Variants in ST6GALNAC5 observed in about 807,000 individuals in gnomAD.
ST6GALNAC5 encodes the protein alpha-N-acetylgalactosaminide alpha-2,6-sialyltransferase 5.
Under a neutral mutation model 33.6 loss-of-function variants are expected in ST6GALNAC5, and 27 were observed. The observed-to-expected ratio is 0.80, with a 90% confidence interval of 0.59 to 1.11. The LOEUF (loss-of-function observed/expected upper bound fraction) is 1.11. ST6GALNAC5 is among the 50% of genes least tolerant of loss of function. ST6GALNAC5 has a pLI of 0.00. For missense variants in ST6GALNAC5, 428 were observed against 454.0 expected (o/e 0.94, Z 0.52); for synonymous variants, 194 against 171.2 (o/e 1.13, Z -1.04).
At chr1:76,973,420 TTA>T (rs1648845893) in intron 2 of ST6GALNAC5, among the ~76,000 whole-genome samples, 1 of 796 alleles carries the variant, frequency 1.3e-3, no homozygotes, top group Admixed American at 0.017. Flanking sequence ...GTCAGGTTTA[TTA>T]TTATTATTAT....
chr1:76,933,217 G>A (rs1296695524), intron 2 of ST6GALNAC5, among the ~76,000 whole-genome samples: 6 of 151,976 alleles, frequency 3.9e-5, no homozygotes, highest in African/African-American at 1.4e-4. Context: ...CTGTGTATGG[G>A]TGGAGCTCTG....
intron 2 of ST6GALNAC5, among the ~76,000 whole-genome samples, chr1:77,024,633 C>T (rs557688855): frequency 1.7e-4 from 26 of 152,258 alleles, no homozygotes; most frequent in African/African-American, 5.5e-4. Flanking sequence ...GTCTCCAGGG[C>T]GGGATCTGAT....
At chr1:76,980,444 C>G (rs1649202949) in intron 2 of ST6GALNAC5, among the ~76,000 whole-genome samples, 1 of 152,134 alleles carries the variant, frequency 6.6e-6, no homozygotes, top group African/African-American at 2.4e-5. Flanking sequence ...ATGACTGTTA[C>G]ACATAAAGGT....
At chr1:76,928,555 G>A (rs1189238825) in intron 2 of ST6GALNAC5, among the ~76,000 whole-genome samples, 1 of 152,064 alleles carries the variant, frequency 6.6e-6, no homozygotes, top group Non-Finnish European at 1.5e-5. Flanking sequence ...TCTGATTTTA[G>A]TTTCCATGCC....
chr1:76,955,338 T>C (rs538507562), intron 2 of ST6GALNAC5, among the ~76,000 whole-genome samples: 1 of 152,284 alleles, frequency 6.6e-6, no homozygotes, highest in African/African-American at 2.4e-5. Flanking sequence ...TGCTTCAAGG[T>C]CCTCCTCTTA....
At chr1:76,966,649 TGA>T (rs1267984028) in intron 2 of ST6GALNAC5, among the ~76,000 whole-genome samples, 1 of 152,186 alleles carries the variant, frequency 6.6e-6, no homozygotes, top group Non-Finnish European at 1.5e-5. Context: ...ATAGGAGTGG[TGA>T]GAGAGGGCAT....
chr1:76,893,930 A>G (rs1219112712), intron 2 of ST6GALNAC5, among the ~76,000 whole-genome samples: 1 of 152,166 alleles, frequency 6.6e-6, no homozygotes, highest in Non-Finnish European at 1.5e-5. Context: ...AAGTGCTGGT[A>G]TTACAGGAAT....
chr1:76,939,680 G>A (rs371534462), intron 2 of ST6GALNAC5, among the ~76,000 whole-genome samples: 2 of 152,032 alleles, frequency 1.3e-5, no homozygotes, highest in Admixed American at 6.6e-5. Flanking sequence ...TGATCTGTAC[G>A]CATAGTGGTT....
At position 76,868,986 on chromosome 1, in the gene ST6GALNAC5, C is replaced by T; in HGVS notation, c.261+244C>T. On this transcript the variant is annotated intron_variant, in intron 2 of 4. Coordinates refer to ENST00000477717, the MANE Select transcript of ST6GALNAC5 (RefSeq NM_030965.3). This position sits in a 1 kb window ranked among gnomAD's most constrained non-coding sequence, Gnocchi z 4.3. ...TGGACCCCAAAGCCTAATTTCCCAG[C>T]AGAAATCGGCCCTGGAACTAGAACT... 1.8e-6 allele frequency: 1 copy of T among 542,260 alleles called. No homozygotes were observed. Among genetic ancestry groups the T allele is most frequent in the Non-Finnish European group, 2.9e-6 (1 of 340,818 alleles). The allele number at this position is 542,260 out of a possible 1,614,324, so 33.6% of individuals were successfully genotyped here. A position where few individuals can be genotyped will look rare whatever the true frequency, so the allele number is the denominator to read the frequency against.
At chr1:76,969,290 A>G (rs114785371) in intron 2 of ST6GALNAC5, among the ~76,000 whole-genome samples, 2,394 of 152,294 alleles carry the variant, frequency 0.016, 59 homozygotes, top group African/African-American at 0.055. Flanking sequence ...CCTTCGCCAA[A>G]GACTGTACCT....
At chr1:77,062,164 A>C (rs1246198143) in intron 4 of ST6GALNAC5, among the ~76,000 whole-genome samples, 1 of 152,208 alleles carries the variant, frequency 6.6e-6, no homozygotes, top group Non-Finnish European at 1.5e-5. Flanking sequence ...TTTTAAAATT[A>C]TTTATTAAGC....
chr1:77,054,449 A>G (rs1329926646), intron 4 of ST6GALNAC5, among the ~76,000 whole-genome samples: 1 of 152,200 alleles, frequency 6.6e-6, no homozygotes, highest in Admixed American at 6.5e-5. Context: ...TTTCTTTTCA[A>G]CAAAAGAGCA....
chr1:76,987,701 T>G (rs149003887), intron 2 of ST6GALNAC5, among the ~76,000 whole-genome samples: 1 of 152,268 alleles, frequency 6.6e-6, no homozygotes, highest in African/African-American at 2.4e-5. Context: ...TGTCCATAAA[T>G]TGATGAATAG....
chr1:76,980,130 A>T (rs1649191293), intron 2 of ST6GALNAC5, among the ~76,000 whole-genome samples: 1 of 152,072 alleles, frequency 6.6e-6, no homozygotes, highest in Non-Finnish European at 1.5e-5. Flanking sequence ...CATGAAATTA[A>T]TGATTTATTA....
At chr1:77,032,575 ATAC>A (rs1417675383) in intron 2 of ST6GALNAC5, among the ~76,000 whole-genome samples, 1 of 152,146 alleles carries the variant, frequency 6.6e-6, no homozygotes, top group African/African-American at 2.4e-5. Flanking sequence ...AGCCATAATA[ATAC>A]TAATAGCTGC....
chr1:76,948,626 A>AGAGAGAGAGAGAGAG (rs56311943), intron 2 of ST6GALNAC5, among the ~76,000 whole-genome samples: 4 of 148,234 alleles, frequency 2.7e-5, no homozygotes, highest in Admixed American at 6.7e-5. Context: ...AGAGAGAGAG[A>AGAGAGAGAGAGAGAG]ACTACTGAAA....
At chr1:76,898,688 T>C (rs1646783468) in intron 2 of ST6GALNAC5, among the ~76,000 whole-genome samples, 1 of 152,178 alleles carries the variant, frequency 6.6e-6, no homozygotes, top group African/African-American at 2.4e-5. Context: ...ACTATGCCTT[T>C]AGCTTCAGCC....
In ST6GALNAC5 at chr1:77,066,389, A is replaced by G. The variant is rs1354352470; in HGVS notation, c.*3183A>G. On this transcript the variant is annotated 3_prime_UTR_variant, in exon 5 of 5. Transcript: ENST00000477717. ...TTTTCTGAAGTTCTCTCCATTACTG[A>G]TCTATTTGAATGACATGAGAATGGA... 1.3e-5 allele frequency among the ~76,000 whole-genome samples: 2 copies of G among 152,164 alleles called. No homozygotes were observed. Among genetic ancestry groups the G allele is most frequent in the Non-Finnish European group, 2.9e-5 (2 of 68,024 alleles).
intron 2 of ST6GALNAC5, among the ~76,000 whole-genome samples, chr1:76,991,607 T>C (rs1649732291): frequency 6.6e-6 from 1 of 152,150 alleles, no homozygotes; most frequent in Admixed American, 6.5e-5. Context: ...TTCTACTCCT[T>C]CTCATAGACA....
Sources: gnomAD v4.1 joint callset for allele counts (sites outside exome capture counted in the v4.1 genomes callset) on GRCh38, gnomAD v4.1.1 for gene constraint, Gnocchi (gnomAD v3.1) non-coding constraint, MANE v1.5 for transcripts, NCBI Gene and HGNC (gene_info 2026-07-23, HGNC 2026-07-21) for gene names.